The following LHFPL3 variants were observed in gnomAD, a reference collection of about 807,000 sequenced individuals.
LHFPL3 encodes LHFPL tetraspan subfamily member 3 protein.
Under a neutral mutation model 19.3 loss-of-function variants are expected in LHFPL3, and 5 were observed. That is an observed-to-expected ratio of 0.26 (90% CI 0.14 to 0.54). LHFPL3 has a LOEUF of 0.54. LHFPL3 is among the 20% of genes least tolerant of loss of function. LHFPL3 has a pLI of 0.94. For synonymous variants in LHFPL3, 133 were observed against 126.2 expected, an observed-to-expected ratio of 1.05 and a Z score of -0.36; for missense variants, 249 against 307.4, an observed-to-expected ratio of 0.81 and a Z score of 1.42.
intron 2 of LHFPL3, among the ~76,000 whole-genome samples, chr7:104,835,390 G>A (rs1207501971): frequency 1.3e-5 from 2 of 151,918 alleles, no homozygotes; most frequent in Non-Finnish European, 2.9e-5. Flanking sequence ...CAGAGCCTAG[G>A]AGATTCTCTG....
intron 1 of LHFPL3, among the ~76,000 whole-genome samples, chr7:104,396,830 C>A (rs566719172): frequency 6.6e-6 from 1 of 151,698 alleles, no homozygotes; most frequent in East Asian, 1.9e-4. Context: ...ATTCACTGGG[C>A]GTGATGGCCT....
chr7:104,445,714 A>C (rs567820093), intron 1 of LHFPL3, among the ~76,000 whole-genome samples: 1 of 152,324 alleles, frequency 6.6e-6, no homozygotes, highest in Non-Finnish European at 1.5e-5. Context: ...TCAAACTTGT[A>C]TCCAGGCAAA....
At chr7:104,453,053 C>A (rs1269185096) in intron 1 of LHFPL3, among the ~76,000 whole-genome samples, 1 of 152,096 alleles carries the variant, frequency 6.6e-6, no homozygotes, top group Non-Finnish European at 1.5e-5. Flanking sequence ...ATATGTATTT[C>A]AAATTCTTTT....
intron 1 of LHFPL3, among the ~76,000 whole-genome samples, chr7:104,496,064 A>C (rs1028049768): frequency 6.6e-6 from 1 of 152,040 alleles, no homozygotes; most frequent in African/African-American, 2.4e-5. Flanking sequence ...GGTGTGCTGC[A>C]CCCATTAACT....
chr7:104,867,102 G>A (rs540864777), intron 2 of LHFPL3, among the ~76,000 whole-genome samples: 3 of 152,036 alleles, frequency 2.0e-5, no homozygotes, highest in Non-Finnish European at 2.9e-5. Context: ...TTTATAGCAC[G>A]AAATGCCCAC....
intron 1 of LHFPL3, among the ~76,000 whole-genome samples, chr7:104,589,691 C>T (rs923575151): frequency 2.0e-5 from 3 of 152,126 alleles, no homozygotes; most frequent in African/African-American, 7.2e-5. Flanking sequence ...GGCATGGTAC[C>T]AGCTCCTCTT....
At chr7:104,539,412 A>G (rs1376694879) in intron 1 of LHFPL3, among the ~76,000 whole-genome samples, 1 of 152,200 alleles carries the variant, frequency 6.6e-6, no homozygotes, top group African/African-American at 2.4e-5. Flanking sequence ...CCCCTCAAGA[A>G]GTAAATTTAG....
chr7:104,429,134 T>C (rs555764227), intron 1 of LHFPL3, among the ~76,000 whole-genome samples: 8 of 152,020 alleles, frequency 5.3e-5, no homozygotes, highest in Non-Finnish European at 8.8e-5. Context: ...CTGATGAAAT[T>C]GGCAGTGTTC....
At chr7:104,451,852 C>T (rs989628568) in intron 1 of LHFPL3, among the ~76,000 whole-genome samples, 1 of 152,008 alleles carries the variant, frequency 6.6e-6, no homozygotes, top group Non-Finnish European at 1.5e-5. Flanking sequence ...TTAAGCGATT[C>T]TTCTGGCTCA....
intron 1 of LHFPL3, among the ~76,000 whole-genome samples, chr7:104,472,436 A>G (rs564390293): frequency 6.6e-6 from 1 of 152,276 alleles, no homozygotes; most frequent in East Asian, 1.9e-4. Flanking sequence ...AGAATATTTG[A>G]AAATATATGC....
intron 1 of LHFPL3, among the ~76,000 whole-genome samples, chr7:104,454,979 C>T (rs1377739812): frequency 6.6e-6 from 1 of 152,154 alleles, no homozygotes; most frequent in African/African-American, 2.4e-5. Flanking sequence ...ATAGCCTGCC[C>T]CTTCCATCTT....
intron 2 of LHFPL3, among the ~76,000 whole-genome samples, chr7:104,835,348 G>A (rs921758368): frequency 6.6e-6 from 1 of 151,934 alleles, no homozygotes; most frequent in African/African-American, 2.4e-5. Flanking sequence ...TCTTCATGGA[G>A]CCCTACACTT....
chr7:104,763,587 A>G (rs1250907610), intron 2 of LHFPL3, among the ~76,000 whole-genome samples: 1 of 152,208 alleles, frequency 6.6e-6, no homozygotes, highest in African/African-American at 2.4e-5. Flanking sequence ...ACAGTTGGTG[A>G]GAGTATGGGA....
intron 1 of LHFPL3, among the ~76,000 whole-genome samples, chr7:104,696,846 G>A (rs1793005056): frequency 6.6e-6 from 1 of 152,142 alleles, no homozygotes; most frequent in Non-Finnish European, 1.5e-5. Flanking sequence ...GTATGTGTTA[G>A]TCCATTTGGG....
intron 2 of LHFPL3, among the ~76,000 whole-genome samples, chr7:104,799,157 T>A (rs1022108567): frequency 6.6e-6 from 1 of 152,218 alleles, no homozygotes. Context: ...TCAGATTTTA[T>A]TTTTGCCCTG....
At chr7:104,501,665 T>A (rs1315089211) in intron 1 of LHFPL3, among the ~76,000 whole-genome samples, 2 of 152,124 alleles carry the variant, frequency 1.3e-5, no homozygotes, top group African/African-American at 2.4e-5. Flanking sequence ...TACCCTGAAT[T>A]GAAAGATTGT....
At chr7:104,343,984 T>C (rs1309730681) in intron 1 of LHFPL3, among the ~76,000 whole-genome samples, 1 of 152,188 alleles carries the variant, frequency 6.6e-6, no homozygotes, top group Non-Finnish European at 1.5e-5. Context: ...TAGAATGACA[T>C]ATACTATAGA....
chr7:104,668,514 G>T (rs1320388701), intron 1 of LHFPL3: 26 of 1,613,112 alleles, frequency 1.6e-5, no homozygotes, highest in Non-Finnish European at 8.5e-7. Context: ...TCGCTATGAT[G>T]ACCGAGGCAG....
intron 2 of LHFPL3, among the ~76,000 whole-genome samples, chr7:104,756,980 A>G (rs1262780816): frequency 1.3e-5 from 2 of 152,228 alleles, no homozygotes; most frequent in Non-Finnish European, 1.5e-5. Flanking sequence ...TTGTTGTACC[A>G]TAGGCCTAGT....
Sources: allele counts gnomAD v4.1 joint callset (sites outside exome capture counted in the v4.1 genomes callset), GRCh38; gene constraint gnomAD v4.1.1; transcripts MANE v1.5; gene names NCBI Gene and HGNC (gene_info 2026-07-23, HGNC 2026-07-21).